Variants in MRPS11 observed in about 807,000 individuals in gnomAD.
MRPS11 encodes mitochondrial ribosomal protein S11, also known as small ribosomal subunit protein uS11m.
In MRPS11, 27 loss-of-function variants were observed where a neutral mutation model predicts 24.3. The observed-to-expected ratio is 1.11, with a 90% confidence interval of 0.82 to 1.53. The LOEUF is 1.53. Among genes scored for constraint, MRPS11 ranks in the 40% most tolerant of loss-of-function variants. The pLI is 0.00. For missense variants in MRPS11, 277 were observed against 256.5 expected (o/e 1.08, Z -0.55); for synonymous variants, 104 against 98.7 (o/e 1.05, Z -0.32).
intron 4 of MRPS11, among the ~76,000 whole-genome samples, chr15:88,476,232 G>A (rs1284538180): frequency 6.6e-6 from 1 of 152,166 alleles, no homozygotes; most frequent in Non-Finnish European, 1.5e-5. Flanking sequence ...GATTCAGAGT[G>A]TGTGACTTGC....
In MRPS11 at chr15:88,479,014, T is replaced by TA. The variant is rs1236345583; in HGVS notation, c.*1042dup. 1.3e-5 allele frequency: 2 copies of TA among 150,076 alleles called. No individual in the cohort carries two copies. The highest frequency in any genetic ancestry group is 4.9e-5 in the African/African-American group (2 of 40,868). The allele number at this position is 150,076 out of a possible 1,614,324, so 9.3% of individuals were successfully genotyped here. A position where few individuals can be genotyped will look rare whatever the true frequency, so the allele number is the denominator to read the frequency against. Reference sequence around the variant, plus strand: ...AAATAAATAAATATAAATAAAAATTTAAAAAAATTAAAAAAAAAAACCTGA... The same window carrying TA: ...AAATAAATAAATATAAATAAAAATTTAAAAAAAATTAAAAAAAAAAACCTGA... On this transcript the variant is annotated 3_prime_UTR_variant, in exon 6 of 6. Transcript: ENST00000325844.
intron 2 of MRPS11, among the ~76,000 whole-genome samples, chr15:88,470,077 G>A (rs984772852): frequency 6.6e-6 from 1 of 152,166 alleles, no homozygotes; most frequent in African/African-American, 2.4e-5. Context: ...AGCACTTTGG[G>A]AGGCCGAGGC....
At position 88,478,233 on chromosome 15, in the gene MRPS11, T is replaced by A. The variant is rs2055863923; in HGVS notation, c.*254T>A. 2.0e-6 allele frequency: 1 copy of A among 511,966 alleles called. No individual in the cohort carries two copies. Among genetic ancestry groups the A allele is most frequent in the Non-Finnish European group, 3.5e-6 (1 of 287,136 alleles). 31.7% of individuals were successfully genotyped at this position (511,966 alleles called of 1,614,324 possible). ...GCCGTGGCCTAGGCCCAAACTCTGCTCTGAGAAAATAAATATCTGTACCAC... is the reference window on the plus strand; with the variant it reads ...GCCGTGGCCTAGGCCCAAACTCTGCACTGAGAAAATAAATATCTGTACCAC... On this transcript the variant is annotated 3_prime_UTR_variant, in exon 6 of 6. Coordinates refer to ENST00000325844, the MANE Select transcript of MRPS11 (RefSeq NM_022839.5). This position sits in a 1 kb window ranked among gnomAD's most constrained non-coding sequence, Gnocchi z 4.7.
rs913292564 is a variant in MRPS11 at position 88,469,555 on chromosome 15, G to A, written c.182+1531G>A. On this transcript the variant is annotated intron_variant, in intron 2 of 5. Transcript: ENST00000325844. This position sits in a 1 kb window ranked among gnomAD's most constrained non-coding sequence, Gnocchi z 4.4. Reference sequence around the variant, plus strand: ...CACATTCTGTAGGACTTTGTAGGCCGTTGTGAGGACTTCAGCTTTTACTGT... The same window carrying A: ...CACATTCTGTAGGACTTTGTAGGCCATTGTGAGGACTTCAGCTTTTACTGT... Among the ~76,000 whole-genome samples, 3 of 152,318 alleles carry A rather than the reference G, an allele frequency of 2.0e-5. No homozygotes were observed. Among genetic ancestry groups the A allele is most frequent in the East Asian group, 1.9e-4 (1 of 5,184 alleles).
chr15:88,473,590 T>C (rs938410495), intron 3 of MRPS11, among the ~76,000 whole-genome samples: 5 of 152,374 alleles, frequency 3.3e-5, no homozygotes, highest in African/African-American at 1.2e-4. Flanking sequence ...TGGTCTACTC[T>C]ATACAGCACT....
chr15:88,468,324 T>G, intron 2 of MRPS11: 2 of 1,167,294 alleles, frequency 1.7e-6, no homozygotes, highest in Non-Finnish European at 2.1e-6. Context: ...ATGGAGATCT[T>G]TTCAGACCAA....
At chr15:88,474,053 G>A (rs1484864917) in intron 3 of MRPS11, among the ~76,000 whole-genome samples, 1 of 152,076 alleles carries the variant, frequency 6.6e-6, no homozygotes, top group Non-Finnish European at 1.5e-5. Context: ...GCATGCACCT[G>A]TAGTCCCAGC....
intron 2 of MRPS11, among the ~76,000 whole-genome samples, chr15:88,470,378 G>A (rs2055667929): frequency 6.6e-6 from 1 of 152,166 alleles, no homozygotes; most frequent in Non-Finnish European, 1.5e-5. Flanking sequence ...GAGATATACA[G>A]TTGGGAGACA....
At position 88,477,913 on chromosome 15, in the gene MRPS11, C is replaced by G. The variant is rs1490093599; in HGVS notation, c.519C>G (p.Ile173Met). The G allele has an allele frequency of 6.2e-7, 1 of 1,614,166 alleles. No homozygotes were observed. Residue 173 changes from isoleucine to methionine, a missense_variant, in exon 6 of 6, where the codon ATC (isoleucine) becomes ATG (methionine). Coordinates refer to ENST00000325844, the MANE Select transcript of MRPS11 (RefSeq NM_022839.5). This position sits in a 1 kb window ranked among gnomAD's most constrained non-coding sequence, Gnocchi z 5.7. ...HGLIMGGLEV[I>M]SITDNTPIPH... is the part of the protein sequence containing the mutation. ...TGATCATGGGCGGCCTGGAAGTGAT[C>G]TCAATCACAGACAACACCCCAATCC...
At chr15:88,474,962 G>A in intron 3 of MRPS11, 148 bp from the exon 4 acceptor site, 2 of 902,414 alleles carry the variant, frequency 2.2e-6, no homozygotes, top group Non-Finnish European at 3.3e-6. Context: ...TCCTGTAGGA[G>A]TTCAAAACAT....
chr15:88,476,178 T>C (rs16941946), intron 4 of MRPS11, among the ~76,000 whole-genome samples: 2,991 of 152,254 alleles, frequency 0.02, 105 homozygotes, highest in African/African-American at 0.066. Flanking sequence ...ATCTTGAATC[T>C]TCAGAGACCC....
intron 4 of MRPS11, among the ~76,000 whole-genome samples, chr15:88,476,126 A>C (rs1374596327): frequency 6.6e-6 from 1 of 152,160 alleles, no homozygotes; most frequent in Middle Eastern, 3.2e-3. Flanking sequence ...CTATTGGTAT[A>C]GTTATTGAGC....
At position 88,475,206 on chromosome 15, in the gene MRPS11, C is replaced by A. The variant is rs563650346; in HGVS notation, c.378C>A (p.Ile126=). 1 of 1,614,230 alleles carries A rather than the reference C, an allele frequency of 6.2e-7. No homozygotes were observed. The highest frequency in any genetic ancestry group is 1.7e-5 in the Admixed American group (1 of 60,034). ...GFRNAKKGTG[I]AAQTAGIAAA... ...GGAATGCCAAGAAGGGCACAGGCAT[C>A]GCAGCACAGACAGCAGGCATAGCCG... The change falls in exon 4 of 6, where the codon ATC becomes ATA. Residue 126 remains isoleucine (I), a synonymous_variant. Coordinates refer to ENST00000325844, the MANE Select transcript of MRPS11 (RefSeq NM_022839.5). This position sits in a 1 kb window ranked among gnomAD's most constrained non-coding sequence, Gnocchi z 4.1.
At chr15:88,471,291 T>C (rs1028312498) in intron 2 of MRPS11, among the ~76,000 whole-genome samples, 2 of 152,234 alleles carry the variant, frequency 1.3e-5, no homozygotes, top group African/African-American at 2.4e-5. Context: ...AAGAATATAG[T>C]TGTAAACTTT....
intron 2 of MRPS11, among the ~76,000 whole-genome samples, chr15:88,471,542 A>C (rs2055703625): frequency 6.6e-6 from 1 of 151,926 alleles, no homozygotes; most frequent in Non-Finnish European, 1.5e-5. Flanking sequence ...TAAAAAGCAC[A>C]GCTTGGTGAG....
chr15:88,474,665 G>T (rs567699333), intron 3 of MRPS11, among the ~76,000 whole-genome samples: 1 of 152,270 alleles, frequency 6.6e-6, no homozygotes, highest in African/African-American at 2.4e-5. Flanking sequence ...ATAGGTCTGG[G>T]ATTTGCTTCA....
intron 2 of MRPS11, chr15:88,468,421 A>G: frequency 9.4e-7 from 1 of 1,062,806 alleles, no homozygotes; most frequent in Non-Finnish European, 1.1e-6. Context: ...CGGATGGTCC[A>G]GGGTGGGTTT....
intron 3 of MRPS11, chr15:88,474,903 A>T (rs2055789085): frequency 5.8e-6 from 3 of 519,604 alleles, no homozygotes; most frequent in Non-Finnish European, 1.0e-5. Context: ...TATGTGACTT[A>T]CCAGTTTTCA....
Position 88,475,981 on chromosome 15 carries a change from A to G in MRPS11, c.411+742A>G, listed in dbSNP as rs753547273. ...AAGAAAAAAAATAAAAATAAAGACC[A>G]GTGGTTTGGGGTTGGGAGAGATATG... On this transcript the variant is annotated intron_variant, in intron 4 of 5. Coordinates refer to ENST00000325844, the MANE Select transcript of MRPS11 (RefSeq NM_022839.5). This position sits in a 1 kb window ranked among gnomAD's most constrained non-coding sequence, Gnocchi z 4.1. Among the ~76,000 whole-genome samples the G allele has an allele frequency of 3.9e-5, 6 of 152,084 alleles. No homozygotes were observed. Among genetic ancestry groups the G allele is most frequent in the Non-Finnish European group, 7.4e-5 (5 of 68,020 alleles).
Sources: gnomAD v4.1 joint callset for allele counts (sites outside exome capture counted in the v4.1 genomes callset) on GRCh38, gnomAD v4.1.1 for gene constraint, Gnocchi (gnomAD v3.1) non-coding constraint, MANE v1.5 for transcripts, NCBI Gene and HGNC (gene_info 2026-07-23, HGNC 2026-07-21) for gene names.